The following CCSER1 variants were observed in gnomAD, a reference collection of about 807,000 sequenced individuals.
CCSER1 encodes the protein coiled-coil serine rich protein 1.
In CCSER1, 41 loss-of-function variants were observed where a neutral mutation model predicts 82.0. The observed-to-expected ratio is 0.50, with a 90% CI of 0.39 to 0.65. The LOEUF (loss-of-function observed/expected upper bound fraction) is 0.65, where lower values mean the gene tolerates loss of function less well. Ranked by LOEUF, CCSER1 falls within the 30% of genes least tolerant of loss-of-function variation. The probability of loss-of-function intolerance (pLI) is 0.00; values close to 1 mark genes in which losing one functional copy is unlikely to be tolerated. For missense variants in CCSER1, 1,119 were observed against 1,064.2 expected, an observed-to-expected ratio of 1.05 and a Z score of -0.72; for synonymous variants, 414 against 383.9, an observed-to-expected ratio of 1.08 and a Z score of -0.92.
At chr4:91,417,285 A>G (rs1753424420) in intron 10 of CCSER1, among the ~76,000 whole-genome samples, 1 of 152,170 alleles carries the variant, frequency 6.6e-6, no homozygotes, top group South Asian at 2.1e-4. Flanking sequence ...CAGTGTGGTG[A>G]TTTCTCACTG....
At chr4:90,602,497 C>T (rs1002459876) in intron 5 of CCSER1, among the ~76,000 whole-genome samples, 1 of 152,106 alleles carries the variant, frequency 6.6e-6, no homozygotes, top group African/African-American at 2.4e-5. Context: ...GTCTCATTCA[C>T]CCAATATCCA....
intron 10 of CCSER1, among the ~76,000 whole-genome samples, chr4:91,385,934 A>G (rs1751256703): frequency 6.6e-6 from 1 of 152,008 alleles, no homozygotes; most frequent in Non-Finnish European, 1.5e-5. Context: ...ACATATAAAT[A>G]TACGTGTATA....
intron 1 of CCSER1, among the ~76,000 whole-genome samples, chr4:90,237,314 C>G (rs2153432172): frequency 6.6e-6 from 1 of 152,250 alleles, no homozygotes; most frequent in South Asian, 2.1e-4. Flanking sequence ...TCCCCTCTGT[C>G]ATCTGCATTT....
At chr4:90,532,896 GT>G (rs956911867) in intron 5 of CCSER1, among the ~76,000 whole-genome samples, 4 of 151,884 alleles carry the variant, frequency 2.6e-5, no homozygotes, top group Admixed American at 1.3e-4. Context: ...TGTTCTTACT[GT>G]TTCTGTTCAG....
intron 7 of CCSER1, among the ~76,000 whole-genome samples, chr4:90,768,822 G>A (rs553009021): frequency 2.6e-5 from 4 of 152,238 alleles, no homozygotes; most frequent in African/African-American, 9.6e-5. Flanking sequence ...GTGCTGTCTC[G>A]TTTTCTCTAG....
chr4:90,996,097 A>G (rs1376220732), intron 9 of CCSER1, among the ~76,000 whole-genome samples: 2 of 152,138 alleles, frequency 1.3e-5, no homozygotes, highest in Non-Finnish European at 2.9e-5. Flanking sequence ...ATGAATATAC[A>G]AGGTTAAATA....
At chr4:90,606,236 G>T (rs58121774) in intron 5 of CCSER1, among the ~76,000 whole-genome samples, 4,324 of 152,246 alleles carry the variant, frequency 0.028, 121 homozygotes, top group African/African-American at 0.068. Context: ...GTCACTTAAA[G>T]ATGCAGATAC....
chr4:90,319,471 G>C (rs1436667982), intron 3 of CCSER1, among the ~76,000 whole-genome samples: 1 of 152,062 alleles, frequency 6.6e-6, no homozygotes, highest in Admixed American at 6.5e-5. Context: ...CTAACACGGT[G>C]AAACCCTGTC....
At chr4:90,245,550 ATTTC>A (rs1472780202) in intron 1 of CCSER1, among the ~76,000 whole-genome samples, 1 of 152,110 alleles carries the variant, frequency 6.6e-6, no homozygotes, top group Non-Finnish European at 1.5e-5. Context: ...CAGAGTTTTT[ATTTC>A]TTATGTCTTG....
intron 5 of CCSER1, among the ~76,000 whole-genome samples, chr4:90,610,781 C>T (rs1361578316): frequency 6.6e-6 from 1 of 152,078 alleles, no homozygotes; most frequent in East Asian, 1.9e-4. Context: ...TTGAATAGCG[C>T]TAGAGTGTAC....
chr4:91,170,968 G>A (rs921343518), intron 10 of CCSER1, among the ~76,000 whole-genome samples: 1 of 152,128 alleles, frequency 6.6e-6, no homozygotes, highest in Non-Finnish European at 1.5e-5. Flanking sequence ...AGAAGCTGCT[G>A]GCCACATGTC....
chr4:90,611,059 C>CTTTTTTTT (rs201354908), intron 5 of CCSER1, among the ~76,000 whole-genome samples: 13,939 of 92,796 alleles, frequency 0.15, 1,339 homozygotes, highest in African/African-American at 0.28. Context: ...CTTTTCTTTT[C>CTTTTTTTT]TTTTTTTTTT....
intron 5 of CCSER1, among the ~76,000 whole-genome samples, chr4:90,601,266 T>G (rs1415998180): frequency 6.6e-6 from 1 of 151,966 alleles, no homozygotes; most frequent in Non-Finnish European, 1.5e-5. Context: ...CTTTCACTAT[T>G]AAGTATGCTG....
chr4:91,345,118 C>A (rs1406080562), intron 10 of CCSER1, among the ~76,000 whole-genome samples: 2 of 152,144 alleles, frequency 1.3e-5, no homozygotes, highest in African/African-American at 4.8e-5. Context: ...TGGCCTGGCA[C>A]GGTGGCTCAC....
At chr4:90,267,634 G>A (rs1414944762) in intron 1 of CCSER1, among the ~76,000 whole-genome samples, 1 of 152,174 alleles carries the variant, frequency 6.6e-6, no homozygotes, top group Admixed American at 6.5e-5. Context: ...AGGCAGCTGA[G>A]CACAGAGAGA....
intron 10 of CCSER1, among the ~76,000 whole-genome samples, chr4:91,184,337 A>T (rs1261218838): frequency 6.6e-6 from 1 of 152,208 alleles, no homozygotes; most frequent in Non-Finnish European, 1.5e-5. Flanking sequence ...AATGCAAACC[A>T]TTCACAGTCT....
intron 10 of CCSER1, among the ~76,000 whole-genome samples, chr4:91,514,223 AT>A (rs755638600): frequency 3.3e-5 from 5 of 152,180 alleles, no homozygotes; most frequent in Non-Finnish European, 7.3e-5. Flanking sequence ...CCCAAAAGTA[AT>A]TCAGAAGCAA....
At chr4:90,217,444 C>A (rs752231484) in intron 1 of CCSER1, among the ~76,000 whole-genome samples, 1 of 152,130 alleles carries the variant, frequency 6.6e-6, no homozygotes, top group Non-Finnish European at 1.5e-5. Flanking sequence ...GTATTCCGCC[C>A]GCCTCGGCCT....
intron 1 of CCSER1, among the ~76,000 whole-genome samples, chr4:90,264,657 C>T (rs1484616445): frequency 6.6e-6 from 1 of 150,846 alleles, no homozygotes; most frequent in Non-Finnish European, 1.5e-5. Context: ...ATCTGCTCTA[C>T]TATTCAGTGT....
Sources: allele counts gnomAD v4.1 joint callset (sites outside exome capture counted in the v4.1 genomes callset), GRCh38; gene constraint gnomAD v4.1.1; transcripts MANE v1.5; gene names NCBI Gene and HGNC (gene_info 2026-07-23, HGNC 2026-07-21).